MAN1A2: variants seen among roughly 807,000 people sequenced by gnomAD.
MAN1A2 encodes the protein mannosyl-oligosaccharide 1,2-alpha-mannosidase IB.
Under a neutral mutation model 75.7 loss-of-function variants are expected in MAN1A2, and 26 were observed. The ratio of observed to expected loss-of-function variants is 0.34; its 90% confidence interval spans 0.25 to 0.48. MAN1A2 has a LOEUF of 0.48. Among genes scored for constraint, MAN1A2 ranks in the 20% least tolerant of loss-of-function variants. The pLI is 0.99. For synonymous variants in MAN1A2, 247 were observed against 264.6 expected (o/e 0.93, Z 0.65); for missense variants, 562 against 775.5 (o/e 0.72, Z 3.27).
At chr1:117,503,635 A>G (rs574821809) in intron 12 of MAN1A2, among the ~76,000 whole-genome samples, 43 of 151,472 alleles carry the variant, frequency 2.8e-4, no homozygotes, top group Non-Finnish European at 6.1e-4. Context: ...TCGCTCTTAA[A>G]TTTATTATTT....
intron 1 of MAN1A2, among the ~76,000 whole-genome samples, chr1:117,380,999 A>T (rs1383505777): frequency 6.6e-6 from 1 of 152,116 alleles, no homozygotes; most frequent in Non-Finnish European, 1.5e-5. Context: ...TGACCACAGG[A>T]TATCTTCCCA....
intron 8 of MAN1A2, among the ~76,000 whole-genome samples, chr1:117,475,992 G>C (rs1650300329): frequency 6.6e-6 from 1 of 152,092 alleles, no homozygotes; most frequent in Non-Finnish European, 1.5e-5. Context: ...CAATGTAAAA[G>C]CATTCCTATT....
At chr1:117,466,567 G>A (rs902890369) in intron 8 of MAN1A2, 140 bp downstream of exon 8, 9 of 516,516 alleles carry the variant, frequency 1.7e-5, no homozygotes, top group African/African-American at 1.4e-4. Flanking sequence ...CTGTTCTTAG[G>A]CATGTTTCTG....
Position 117,526,880 on chromosome 1 carries a change from C to CTCTATATATATATATA in MAN1A2, c.*3924_*3925insCTATATATATATATAT. Reference sequence around the variant, plus strand: ...TCTCTCTCTCTCTCTCTCTCTCTCTCTATATATATATATATATATATATAT... The same window carrying CTCTATATATATATATA: ...TCTCTCTCTCTCTCTCTCTCTCTCTCTCTATATATATATATATATATATATATATATATATATATAT... On this transcript the variant is annotated 3_prime_UTR_variant, in exon 13 of 13. Transcript: ENST00000356554. 1.4e-3 allele frequency: 74 copies of CTCTATATATATATATA among 54,506 alleles called. No homozygotes were observed. Among genetic ancestry groups the CTCTATATATATATATA allele is most frequent in the Non-Finnish European group, 1.9e-3 (54 of 29,150 alleles). The allele number at this position is 54,506 out of a possible 1,614,324, so 3.4% of individuals were successfully genotyped here.
intron 6 of MAN1A2, among the ~76,000 whole-genome samples, chr1:117,454,821 A>G (rs897769358): frequency 4.3e-4 from 66 of 152,204 alleles, no homozygotes; most frequent in African/African-American, 1.6e-3. Flanking sequence ...AGAGGATAGT[A>G]TGGAGACGTG....
At chr1:117,437,556 C>CGT (rs937949224) in intron 5 of MAN1A2, among the ~76,000 whole-genome samples, 29 of 151,066 alleles carry the variant, frequency 1.9e-4, no homozygotes, top group Non-Finnish European at 3.4e-4. Context: ...AGTGTGTGTG[C>CGT]GTGTGTGTGT....
At chr1:117,429,784 C>A (rs1190318625) in intron 5 of MAN1A2, among the ~76,000 whole-genome samples, 10 of 95,712 alleles carry the variant, frequency 1.0e-4, no homozygotes, top group Non-Finnish European at 1.9e-4. Context: ...CCCTCCCGGA[C>A]GGGGCGGCTG....
At chr1:117,426,684 C>T (rs1024247790) in intron 5 of MAN1A2, among the ~76,000 whole-genome samples, 5 of 152,044 alleles carry the variant, frequency 3.3e-5, no homozygotes, top group Non-Finnish European at 2.9e-5. Flanking sequence ...AATGGCCATA[C>T]GAGCACTTGA....
intron 6 of MAN1A2, among the ~76,000 whole-genome samples, chr1:117,457,570 T>G (rs1365325890): frequency 6.6e-6 from 1 of 152,094 alleles, no homozygotes; most frequent in Non-Finnish European, 1.5e-5. Flanking sequence ...AAAACCTTAT[T>G]TAGAATTTAG....
At chr1:117,431,612 C>T (rs1434853100) in intron 5 of MAN1A2, among the ~76,000 whole-genome samples, 1 of 152,146 alleles carries the variant, frequency 6.6e-6, no homozygotes, top group Non-Finnish European at 1.5e-5. Flanking sequence ...AAATTGTATG[C>T]TGGATCATAA....
intron 8 of MAN1A2, among the ~76,000 whole-genome samples, chr1:117,486,939 G>A (rs991247628): frequency 6.6e-5 from 10 of 152,006 alleles, no homozygotes; most frequent in Non-Finnish European, 1.2e-4. Context: ...CAGTGTTTAA[G>A]TGAAGATTCT....
chr1:117,430,031 G>T (rs1374835185), intron 5 of MAN1A2, among the ~76,000 whole-genome samples: 1 of 44,368 alleles, frequency 2.3e-5, no homozygotes, highest in African/African-American at 1.1e-4. Context: ...CGGGTGGGGG[G>T]CTGACCCCCC....
chr1:117,456,361 T>G (rs1286026553), intron 6 of MAN1A2, among the ~76,000 whole-genome samples: 1 of 152,038 alleles, frequency 6.6e-6, no homozygotes, highest in Non-Finnish European at 1.5e-5. Context: ...TATAGTGTGT[T>G]GTTCATAAGA....
intron 5 of MAN1A2, among the ~76,000 whole-genome samples, chr1:117,422,186 T>G (rs1182967005): frequency 6.6e-6 from 1 of 152,050 alleles, no homozygotes; most frequent in Non-Finnish European, 1.5e-5. Context: ...AAATTTCCAT[T>G]TACCATTTTA....
intron 2 of MAN1A2, among the ~76,000 whole-genome samples, chr1:117,403,426 A>G (rs1647507731): frequency 6.6e-6 from 1 of 151,958 alleles, no homozygotes; most frequent in Non-Finnish European, 1.5e-5. Flanking sequence ...ACAGTGATAG[A>G]TTTTTTTTCA....
chr1:117,381,057 A>G (rs1372268856), intron 1 of MAN1A2, among the ~76,000 whole-genome samples: 1 of 152,172 alleles, frequency 6.6e-6, no homozygotes, highest in Non-Finnish European at 1.5e-5. Flanking sequence ...GGTTTTCAGC[A>G]TACAAATGTT....
rs1652012102 is a variant in MAN1A2 at position 117,526,148 on chromosome 1, AT to A, written c.*3192del. 2 of 151,876 alleles carry A rather than the reference AT, an allele frequency of 1.3e-5. 1 individual carries two copies. Among genetic ancestry groups the A allele is most frequent in the Admixed American group, 1.3e-4 (2 of 15,200 alleles). The allele number at this position is 151,876 out of a possible 1,614,324, so 9.4% of individuals were successfully genotyped here. A position where few individuals can be genotyped will look rare whatever the true frequency, so the allele number is the denominator to read the frequency against. On this transcript the variant is annotated 3_prime_UTR_variant, in exon 13 of 13. Transcript: ENST00000356554. ...AAGATTGTGTTTGCCATTCTCATTT[AT>A]AATGCAGTTTCTCCTTAAGCCTGGA...
At chr1:117,487,393 A>G (rs1217936930) in intron 8 of MAN1A2, among the ~76,000 whole-genome samples, 1 of 152,054 alleles carries the variant, frequency 6.6e-6, no homozygotes, top group Non-Finnish European at 1.5e-5. Context: ...CAGTATAAGT[A>G]ACATGGTTGA....
chr1:117,516,421 T>C (rs1245318923), intron 12 of MAN1A2, among the ~76,000 whole-genome samples: 2 of 152,174 alleles, frequency 1.3e-5, no homozygotes, highest in African/African-American at 2.4e-5. Flanking sequence ...AAGTTCTTGC[T>C]GGACCATCTA....
Sources: gnomAD v4.1 joint callset for allele counts (sites outside exome capture counted in the v4.1 genomes callset) on GRCh38, gnomAD v4.1.1 for gene constraint, MANE v1.5 for transcripts, NCBI Gene and HGNC (gene_info 2026-07-23, HGNC 2026-07-21) for gene names.